Variants in CCDC73 observed in about 807,000 individuals in gnomAD.
The protein encoded by CCDC73 is coiled-coil domain-containing protein 73.
In CCDC73, 95 loss-of-function variants were observed where a neutral mutation model predicts 116.5. The observed-to-expected ratio is 0.82, with a 90% confidence interval of 0.69 to 0.97. CCDC73 has a LOEUF of 0.97. Ranked by LOEUF, CCDC73 falls within the 50% of genes least tolerant of loss-of-function variation. CCDC73 has a pLI of 0.00. For synonymous variants in CCDC73, 398 were observed against 401.3 expected (o/e 0.99, Z 0.10); for missense variants, 1,066 against 1,206.8 (o/e 0.88, Z 1.73).
At chr11:32,764,785 G>C (rs187134829) in intron 1 of CCDC73, among the ~76,000 whole-genome samples, 1 of 152,208 alleles carries the variant, frequency 6.6e-6, no homozygotes, top group African/African-American at 2.4e-5. Context: ...AATGTAAATG[G>C]GCTAAATGCT....
At chr11:32,648,692 C>G (rs1855800782) in intron 12 of CCDC73, among the ~76,000 whole-genome samples, 1 of 152,106 alleles carries the variant, frequency 6.6e-6, no homozygotes, top group Non-Finnish European at 1.5e-5. Context: ...GCTGGGATTA[C>G]AGGCATGTGC....
intron 1 of CCDC73, among the ~76,000 whole-genome samples, chr11:32,787,814 T>C (rs143372049): frequency 5.3e-5 from 8 of 152,224 alleles, no homozygotes; most frequent in Middle Eastern, 3.4e-3. Flanking sequence ...TCTAAAAACA[T>C]ATAAACATGA....
chr11:32,766,301 C>T (rs412722), intron 1 of CCDC73, among the ~76,000 whole-genome samples: 1 of 152,084 alleles, frequency 6.6e-6, no homozygotes, highest in Non-Finnish European at 1.5e-5. Flanking sequence ...ATTGATGGAA[C>T]ATATCTCAAA....
At chr11:32,659,118 G>C (rs1172622897) in intron 9 of CCDC73, among the ~76,000 whole-genome samples, 2 of 152,054 alleles carry the variant, frequency 1.3e-5, no homozygotes, top group Non-Finnish European at 2.9e-5. Flanking sequence ...ATTACAAAAG[G>C]CTGAACATGA....
intron 3 of CCDC73, among the ~76,000 whole-genome samples, chr11:32,704,118 G>A (rs1443491693): frequency 1.3e-5 from 2 of 152,222 alleles, no homozygotes; most frequent in Non-Finnish European, 2.9e-5. Context: ...ATCCCAGCAG[G>A]AGCCCTGTGC....
At chr11:32,733,015 A>G (rs1850094002) in intron 2 of CCDC73, among the ~76,000 whole-genome samples, 2 of 152,216 alleles carry the variant, frequency 1.3e-5, no homozygotes, top group African/African-American at 4.8e-5. Context: ...TGCTGTATTC[A>G]GGAGACCCAT....
chr11:32,657,038 T>C (rs1339882668), intron 9 of CCDC73, among the ~76,000 whole-genome samples: 2 of 151,882 alleles, frequency 1.3e-5, no homozygotes, highest in Non-Finnish European at 2.9e-5. Flanking sequence ...GGATAGAAAA[T>C]GGAAAATGAC....
intron 14 of CCDC73, among the ~76,000 whole-genome samples, chr11:32,623,008 T>A (rs1042732119): frequency 2.0e-5 from 3 of 152,116 alleles, no homozygotes; most frequent in Non-Finnish European, 4.4e-5. Context: ...TTTTATTTTT[T>A]AATTTATTTT....
At chr11:32,803,615 T>C in the CCDC73 span, among the ~76,000 whole-genome samples, 1 of 152,230 alleles carries the variant, frequency 6.6e-6, no homozygotes, top group Admixed American at 6.5e-5. Flanking sequence ...AGCTATCCTA[T>C]ATTGCCATGC....
intron 1 of CCDC73, among the ~76,000 whole-genome samples, chr11:32,780,750 C>T (rs1275807540): frequency 6.6e-6 from 1 of 152,166 alleles, no homozygotes; most frequent in Non-Finnish European, 1.5e-5. Context: ...TTTAGTTCTC[C>T]AAACAACTTT....
intron 2 of CCDC73, among the ~76,000 whole-genome samples, chr11:32,719,302 A>AAC (rs372506867): frequency 1.3e-5 from 2 of 152,014 alleles, no homozygotes; most frequent in African/African-American, 2.4e-5. Context: ...GGTGTGCCTC[A>AAC]ACACACACAC....
chr11:32,746,884 C>T (rs966581667), intron 2 of CCDC73, among the ~76,000 whole-genome samples: 4 of 152,072 alleles, frequency 2.6e-5, no homozygotes, highest in African/African-American at 9.7e-5. Context: ...TCCTTTAGCT[C>T]GGAGAAGTTT....
At chr11:32,626,058 C>T (rs1225034826) in intron 14 of CCDC73, among the ~76,000 whole-genome samples, 1 of 147,242 alleles carries the variant, frequency 6.8e-6, no homozygotes, top group African/African-American at 2.5e-5. Context: ...TTGCAGATGA[C>T]ATGATTGTAT....
chr11:32,769,389 A>G (rs1384102390), intron 1 of CCDC73, among the ~76,000 whole-genome samples: 3 of 152,158 alleles, frequency 2.0e-5, no homozygotes. Flanking sequence ...CCACTGTGGT[A>G]CAAGGACAAC....
intron 6 of CCDC73, among the ~76,000 whole-genome samples, chr11:32,685,216 C>T (rs1590592933): frequency 7.6e-6 from 1 of 131,626 alleles, no homozygotes; most frequent in Admixed American, 9.1e-5. Flanking sequence ...ATGTTGAATG[C>T]TTATTGTAAG....
chr11:32,822,277 C>CAAATACATACAG, the CCDC73 span, among the ~76,000 whole-genome samples: 2 of 152,154 alleles, frequency 1.3e-5, no homozygotes, highest in Non-Finnish European at 1.5e-5. Flanking sequence ...AACATTCATG[C>CAAATACATACAG]AAATACATAC....
chr11:32,631,085 C>G (rs1174399588), intron 14 of CCDC73, among the ~76,000 whole-genome samples: 1 of 152,132 alleles, frequency 6.6e-6, no homozygotes, highest in Non-Finnish European at 1.5e-5. Context: ...ACACATGAAG[C>G]AAAACCTGAC....
rs1224688205 is a variant in CCDC73 at position 32,760,212 on chromosome 11, G to A, written c.32C>T (p.Ser11Phe). The change falls in exon 2 of 18, where the codon TCT (serine) becomes TTT (phenylalanine). Residue 11 changes from serine (S) to phenylalanine (F), a missense_variant. By Grantham distance (155) the Ser-to-Phe change is radical. Coordinates refer to ENST00000335185, the MANE Select transcript of CCDC73 (RefSeq NM_001008391.4). ...TGAAGAACTTTGAAGAGTAAAAGTA[G>A]ATGATGACTCAGTATTGAAGTTGCT... is the stretch of plus-strand genomic sequence containing the variant. MESNFNTESS[S>F]TFTLQSSSET... 1 of 1,584,992 alleles carries A rather than the reference G, an allele frequency of 6.3e-7. No individual in the cohort carries two copies.
chr11:32,829,650 A>T, the CCDC73 span: 1 of 622,552 alleles, frequency 1.6e-6, no homozygotes, highest in Non-Finnish European at 2.0e-6. Context: ...CGCTCTGCTT[A>T]AGACTGAGAA....
Sources: allele counts gnomAD v4.1 joint callset (sites outside exome capture counted in the v4.1 genomes callset), GRCh38; gene constraint gnomAD v4.1.1; transcripts MANE v1.5; gene names NCBI Gene and HGNC (gene_info 2026-07-23, HGNC 2026-07-21).